The following FAM220A variants were observed in gnomAD, a reference collection of about 807,000 sequenced individuals.
FAM220A encodes protein FAM220A.
For missense variants in FAM220A, 392 were observed against 321.6 expected (o/e 1.22, Z -1.68); for synonymous variants, 141 against 130.7 (o/e 1.08, Z -0.54).
chr7:6,347,557 G>A (rs1164277310), intron 1 of FAM220A, among the ~76,000 whole-genome samples: 4 of 151,792 alleles, frequency 2.6e-5, no homozygotes, highest in Admixed American at 2.0e-4. Context: ...CAGCAAAGGC[G>A]GTCTCCAGGG....
intron 1 of FAM220A, among the ~76,000 whole-genome samples, chr7:6,334,814 G>A (rs1440959771): frequency 2.0e-5 from 3 of 150,782 alleles, no homozygotes; most frequent in Non-Finnish European, 4.4e-5. Flanking sequence ...CGTTACCCAG[G>A]CTGGAGTACA....
intron 1 of FAM220A, among the ~76,000 whole-genome samples, chr7:6,339,709 G>A (rs1583239539): frequency 6.6e-6 from 1 of 151,994 alleles, no homozygotes; most frequent in East Asian, 1.9e-4. Context: ...CTGACCTCAT[G>A]ATCCACCCAC....
At chr7:6,343,231 G>C (rs1219234860) in intron 1 of FAM220A, among the ~76,000 whole-genome samples, 1 of 150,652 alleles carries the variant, frequency 6.6e-6, no homozygotes, top group African/African-American at 2.4e-5. Context: ...ACAATAATTA[G>C]CTGGGCGTGG....
At position 6,348,576 on chromosome 7, in the gene FAM220A, C is replaced by T; in HGVS notation, c.-85G>A. ...CGGGCAGGCACGGCTCACCCACCTG[C>T]AGGCGGACGTTGAGCATCATGGAAG... is the stretch of plus-strand genomic sequence containing the variant. On this transcript the variant is annotated 5_prime_UTR_variant, in exon 1 of 2. Transcript: ENST00000313324. 1 of 434,042 alleles carries T rather than the reference C, an allele frequency of 2.3e-6. No homozygotes were observed. Among genetic ancestry groups the T allele is most frequent in the Admixed American group, 4.0e-5 (1 of 25,130 alleles). 26.9% of individuals were successfully genotyped at this position (434,042 alleles called of 1,614,324 possible).
chr7:6,341,143 C>CAA (rs199600967), intron 1 of FAM220A, among the ~76,000 whole-genome samples: 20 of 142,064 alleles, frequency 1.4e-4, no homozygotes, highest in East Asian at 1.1e-3. Context: ...GACTCTGTCC[C>CAA]AAAAAAAAAA....
At chr7:6,347,115 C>T (rs540727895) in intron 1 of FAM220A, among the ~76,000 whole-genome samples, 3 of 152,068 alleles carry the variant, frequency 2.0e-5, no homozygotes, top group Admixed American at 1.3e-4. Flanking sequence ...TCACTTGAGG[C>T]CAGAAGTTCA....
At chr7:6,337,803 T>C (rs1205847216) in intron 1 of FAM220A, among the ~76,000 whole-genome samples, 2 of 151,502 alleles carry the variant, frequency 1.3e-5, no homozygotes, top group East Asian at 3.9e-4. Context: ...CATTATTTAT[T>C]TATTTATTTA....
At chr7:6,340,489 G>A (rs919592272) in intron 1 of FAM220A, among the ~76,000 whole-genome samples, 4 of 152,116 alleles carry the variant, frequency 2.6e-5, no homozygotes, top group Non-Finnish European at 5.9e-5. Context: ...AAGCACGGAG[G>A]CCGTGCTGCA....
At position 6,333,972 on chromosome 7, in the gene FAM220A, A is replaced by G. The variant is rs374457297; in HGVS notation, c.-81-2737T>C. 6.1e-3 allele frequency among the ~76,000 whole-genome samples: 905 copies of G among 148,274 alleles called. 5 individuals are homozygous for G. Among genetic ancestry groups the G allele is most frequent in the Middle Eastern group, 0.015 (4 of 268 alleles). On this transcript the variant is annotated intron_variant, in intron 1 of 1. Transcript: ENST00000313324. ...CGCCATTCTCCTGCCTCAGCCTCCCAAGTAGCTGGGACTACAGGCACCCGC... is the reference window on the plus strand; with the variant it reads ...CGCCATTCTCCTGCCTCAGCCTCCCGAGTAGCTGGGACTACAGGCACCCGC...
At chr7:6,335,448 G>T (rs1167165780) in intron 1 of FAM220A, among the ~76,000 whole-genome samples, 1 of 150,400 alleles carries the variant, frequency 6.6e-6, no homozygotes, top group African/African-American at 2.4e-5. Context: ...GGCTGGTCTT[G>T]ATGTCCTGAC....
At chr7:6,331,342 T>A (rs997343378) in intron 1 of FAM220A, 107 bp from the exon 2 acceptor site, 1 of 638,424 alleles carries the variant, frequency 1.6e-6, no homozygotes. Context: ...TTTATGACAG[T>A]CTCCAGTACA....
Position 6,330,806 on chromosome 7 carries a change from C to A in FAM220A, c.349G>T (p.Val117Leu), listed in dbSNP as rs1282416207. The A allele has an allele frequency of 1.4e-5, 23 of 1,614,206 alleles. No individual in the cohort carries two copies. The highest frequency in any genetic ancestry group is 1.9e-5 in the Non-Finnish European group (22 of 1,180,038). Residue 117 changes from valine to leucine, a missense_variant, in exon 2 of 2, where the codon GTG (valine) becomes TTG (leucine). Val to Leu is a conservative substitution (Grantham distance 32). Coordinates refer to ENST00000313324, the MANE Select transcript of FAM220A (RefSeq NM_001037163.2). ...AGAGCTTCAACACCACTGCAGGACA[C>A]CCGAGCAAAACACTCTGTTGGAGCA... is the stretch of plus-strand genomic sequence containing the variant. The part of the protein sequence containing the change: ...FPAPTECFAR[V>L]SCSGVEALGR...
rs1279309897 is a variant in FAM220A at position 6,330,006 on chromosome 7, T to C, written c.*369A>G. ...AGACTTTACAAGTATCCACTTCCAT[T>C]GGGTGATCAGACAAGTCAAAAGGAC... On this transcript the variant is annotated 3_prime_UTR_variant, in exon 2 of 2. Coordinates refer to ENST00000313324, the MANE Select transcript of FAM220A (RefSeq NM_001037163.2). The C allele has an allele frequency of 2.1e-5, 5 of 236,210 alleles. No homozygotes were observed. The highest frequency in any genetic ancestry group is 4.4e-5 in the Non-Finnish European group (5 of 112,958). 14.6% of individuals were successfully genotyped at this position (236,210 alleles called of 1,614,324 possible).
At chr7:6,331,345 C>T in intron 1 of FAM220A, 110 bp from the exon 2 acceptor site, 3 of 635,616 alleles carry the variant, frequency 4.7e-6, no homozygotes, top group Non-Finnish European at 8.2e-6. Flanking sequence ...ATGACAGTCT[C>T]CAGTACAGGG....
At chr7:6,332,728 G>A (rs1209842697) in intron 1 of FAM220A, among the ~76,000 whole-genome samples, 1 of 152,158 alleles carries the variant, frequency 6.6e-6, no homozygotes, top group East Asian at 1.9e-4. Context: ...TTAAAGAGCA[G>A]CAACACTGAA....
chr7:6,334,233 A>AT (rs1394111808), intron 1 of FAM220A, among the ~76,000 whole-genome samples: 2 of 148,888 alleles, frequency 1.3e-5, no homozygotes, highest in African/African-American at 2.5e-5. Context: ...CAGCTAAAGT[A>AT]TTTTTTTAAA....
At chr7:6,342,613 C>G (rs935185795) in intron 1 of FAM220A, among the ~76,000 whole-genome samples, 2 of 151,912 alleles carry the variant, frequency 1.3e-5, no homozygotes, top group African/African-American at 4.8e-5. Flanking sequence ...AAGTATACAC[C>G]CAAGAGAAAT....
chr7:6,339,629 G>A (rs575169990), intron 1 of FAM220A, among the ~76,000 whole-genome samples: 13 of 150,250 alleles, frequency 8.7e-5, no homozygotes, highest in Middle Eastern at 3.6e-3. Flanking sequence ...GACTACAGGC[G>A]CCCGCCACCA....
chr7:6,335,132 A>T lies in FAM220A; in HGVS notation c.-81-3897T>A, dbSNP rs569524437. On this transcript the variant is annotated intron_variant, in intron 1 of 1. Coordinates refer to ENST00000313324, the MANE Select transcript of FAM220A (RefSeq NM_001037163.2). Reference sequence around the variant, plus strand: ...GGCTGGACCGTAGTGGTGCAATCTTAGCTCACTGCAACCTCTGCCTCCTAG... The same window carrying T: ...GGCTGGACCGTAGTGGTGCAATCTTTGCTCACTGCAACCTCTGCCTCCTAG... Among the ~76,000 whole-genome samples, 9 of 151,264 alleles carry T rather than the reference A, an allele frequency of 5.9e-5. No homozygotes were observed. In the East Asian group the frequency reaches 9.8e-4, roughly 17 times the overall value.
Sources: allele counts gnomAD v4.1 joint callset (sites outside exome capture counted in the v4.1 genomes callset), GRCh38; gene constraint gnomAD v4.1.1; transcripts MANE v1.5; gene names NCBI Gene and HGNC (gene_info 2026-07-23, HGNC 2026-07-21).